Variants in KIF6 observed in about 807,000 individuals in gnomAD.
KIF6 encodes the protein kinesin family member 6.
In KIF6, 106 loss-of-function variants were observed where a neutral mutation model predicts 112.7. The ratio of observed to expected loss-of-function variants is 0.94; its 90% CI spans 0.80 to 1.11. The LOEUF is 1.11. Among genes scored for constraint, KIF6 ranks in the 50% least tolerant of loss-of-function variants. The pLI is 0.00. For missense variants in KIF6, 929 were observed against 964.0 expected (o/e 0.96, Z 0.48); for synonymous variants, 339 against 339.9 (o/e 1.00, Z 0.03).
chr6:39,539,746 T>G (rs1188511818), intron 13 of KIF6, among the ~76,000 whole-genome samples: 1 of 152,328 alleles, frequency 6.6e-6, no homozygotes, highest in African/African-American at 2.4e-5. Context: ...TTTGTTCCCT[T>G]TCTCTAAAAT....
chr6:39,496,592 C>T (rs902119742), intron 13 of KIF6, among the ~76,000 whole-genome samples: 6 of 152,112 alleles, frequency 3.9e-5, no homozygotes, highest in Admixed American at 6.6e-5. Context: ...CATCTGCAAG[C>T]CTGAGATGGT....
intron 15 of KIF6, among the ~76,000 whole-genome samples, chr6:39,407,046 G>C (rs1420840268): frequency 1.3e-5 from 2 of 152,086 alleles, no homozygotes; most frequent in East Asian, 1.9e-4. Context: ...ATGAGCCACT[G>C]TGCCCAGCTT....
At chr6:39,681,081 G>A (rs1362654464) in intron 3 of KIF6, among the ~76,000 whole-genome samples, 1 of 152,052 alleles carries the variant, frequency 6.6e-6, no homozygotes, top group Non-Finnish European at 1.5e-5. Flanking sequence ...ATGCTGAGAA[G>A]TTGAATCTGG....
chr6:39,534,840 C>G (rs1295579708), intron 13 of KIF6, among the ~76,000 whole-genome samples: 1 of 152,206 alleles, frequency 6.6e-6, no homozygotes, highest in Non-Finnish European at 1.5e-5. Flanking sequence ...CAAAGGGAAG[C>G]CCATCAGACT....
intron 6 of KIF6, among the ~76,000 whole-genome samples, chr6:39,607,522 A>C (rs955213023): frequency 6.6e-6 from 1 of 152,176 alleles, no homozygotes; most frequent in African/African-American, 2.4e-5. Flanking sequence ...AGAATTGTCA[A>C]TATATCTTTT....
At chr6:39,460,196 A>C (rs1338289440) in intron 13 of KIF6, among the ~76,000 whole-genome samples, 1 of 135,618 alleles carries the variant, frequency 7.4e-6, no homozygotes, top group Non-Finnish European at 1.6e-5. Flanking sequence ...ATGCAGCCAT[A>C]AAAAATGATG....
intron 3 of KIF6, among the ~76,000 whole-genome samples, chr6:39,652,273 T>C (rs1053176389): frequency 1.3e-5 from 2 of 152,200 alleles, no homozygotes; most frequent in African/African-American, 2.4e-5. Context: ...CTCATGCCTG[T>C]AATCCCAGCA....
intron 13 of KIF6, among the ~76,000 whole-genome samples, chr6:39,480,483 A>G (rs926961326): frequency 4.6e-4 from 70 of 151,462 alleles, no homozygotes; most frequent in African/African-American, 1.6e-3. Context: ...TTTTGCATCT[A>G]TGTCCATCAG....
chr6:39,533,953 G>T (rs1191836978), intron 13 of KIF6, among the ~76,000 whole-genome samples: 3 of 152,246 alleles, frequency 2.0e-5, no homozygotes, highest in Non-Finnish European at 4.4e-5. Context: ...GGCAGATAGG[G>T]TCTGGAGTGG....
Position 39,596,118 on chromosome 6 carries a change from C to T in KIF6, c.782G>A (p.Gly261Glu). The change falls in exon 7 of 23, where the codon GGA (glycine) becomes GAA (glutamate). Residue 261 changes from glycine to glutamate, a missense_variant. Physicochemically the swap from Gly to Glu is moderately conservative, Grantham distance 98. This residue lies in a region of KIF6 where 688 missense variants were observed against 662.7 expected (regional missense o/e 1.04). Transcript: ENST00000287152. ...CTCTGTTAGAAGATGGCCCCCTACT[C>T]CAGTCTTTGCAACTCGCTCTGAACC... ...LAGSERVAKT[G>E]VGGHLLTEAK... The T allele has an allele frequency of 2.5e-6, 4 of 1,614,030 alleles. No individual in the cohort carries two copies. Among genetic ancestry groups the T allele is most frequent in the Non-Finnish European group, 3.4e-6 (4 of 1,179,986 alleles).
At chr6:39,717,928 T>G (rs1201388747) in intron 2 of KIF6, among the ~76,000 whole-genome samples, 1 of 152,126 alleles carries the variant, frequency 6.6e-6, no homozygotes, top group Non-Finnish European at 1.5e-5. Flanking sequence ...TTTGTATCTA[T>G]ATAAAGAATA....
intron 3 of KIF6, among the ~76,000 whole-genome samples, chr6:39,693,930 G>A (rs2113812238): frequency 6.6e-6 from 1 of 152,158 alleles, no homozygotes; most frequent in Admixed American, 6.5e-5. Context: ...GAAAATACCA[G>A]CAAACCAAAT....
intron 5 of KIF6, among the ~76,000 whole-genome samples, chr6:39,623,942 C>T (rs1227720272): frequency 1.3e-5 from 2 of 152,170 alleles, no homozygotes; most frequent in African/African-American, 2.4e-5. Flanking sequence ...TCTGCTCCCA[C>T]CTCAGCAGCA....
chr6:39,417,723 T>C (rs1017390315), intron 15 of KIF6, among the ~76,000 whole-genome samples: 6 of 93,988 alleles, frequency 6.4e-5, no homozygotes, highest in African/African-American at 1.8e-4. Context: ...TTTGTAGTTA[T>C]TTCCATTGTA....
chr6:39,594,292 A>C (rs1782117870), intron 7 of KIF6, among the ~76,000 whole-genome samples: 1 of 152,196 alleles, frequency 6.6e-6, no homozygotes, highest in Non-Finnish European at 1.5e-5. Context: ...TGATGAACCT[A>C]ATTTTGCATG....
At chr6:39,337,464 C>G (rs535464681) in intron 22 of KIF6, among the ~76,000 whole-genome samples, 4 of 151,766 alleles carry the variant, frequency 2.6e-5, no homozygotes, top group African/African-American at 9.7e-5. Flanking sequence ...AGGCACCCAC[C>G]ACCACGTCTG....
intron 5 of KIF6, among the ~76,000 whole-genome samples, chr6:39,634,133 T>C (rs541374723): frequency 1.3e-5 from 2 of 152,212 alleles, no homozygotes; most frequent in South Asian, 2.1e-4. Context: ...TAAATTAGAG[T>C]ATTTAATAAG....
At chr6:39,365,088 G>A (rs1018335678) in intron 16 of KIF6, among the ~76,000 whole-genome samples, 2 of 152,100 alleles carry the variant, frequency 1.3e-5, no homozygotes, top group South Asian at 2.1e-4. Context: ...ATTCTGTCAC[G>A]CCATTATTCT....
Position 39,690,953 on chromosome 6 carries a change from C to T in KIF6, c.251+23739G>A, listed in dbSNP as rs1788173468. The T allele has an allele frequency of 2.0e-5, 3 of 152,232 alleles. No individual in the cohort carries two copies. In the South Asian group the frequency reaches 6.2e-4, roughly 32 times the overall value. 9.4% of individuals were successfully genotyped at this position (152,232 alleles called of 1,614,324 possible). A position where few individuals can be genotyped will look rare whatever the true frequency, so the allele number is the denominator to read the frequency against. ...CAAGGTTGCAGGCATAAGGGTTTTACATAGGGTTGTCCAATAAAATACAGT... is the reference window on the plus strand; with the variant it reads ...CAAGGTTGCAGGCATAAGGGTTTTATATAGGGTTGTCCAATAAAATACAGT... On this transcript the variant is annotated intron_variant, in intron 3 of 22. Transcript: ENST00000287152.
Sources: gnomAD v4.1 joint callset for allele counts (sites outside exome capture counted in the v4.1 genomes callset) on GRCh38, gnomAD v4.1.1 for gene constraint, gnomAD v4.1.1 regional missense constraint, MANE v1.5 for transcripts, NCBI Gene and HGNC (gene_info 2026-07-23, HGNC 2026-07-21) for gene names.